PER2: variants seen among roughly 807,000 people sequenced by gnomAD.
The protein encoded by PER2 is period circadian regulator 2, also known as period circadian protein homolog 2.
Under a neutral mutation model 121.0 loss-of-function variants are expected in PER2, and 66 were observed. The observed-to-expected ratio is 0.55, with a 90% CI of 0.45 to 0.67. The LOEUF is 0.67. Ranked by LOEUF, PER2 falls within the 30% of genes least tolerant of loss-of-function variation. The pLI is 0.00. For missense variants in PER2, 1,521 were observed against 1,635.0 expected (o/e 0.93, Z 1.20); for synonymous variants, 684 against 659.9 (o/e 1.04, Z -0.56).
upstream of PER2, among the ~76,000 whole-genome samples, chr2:238,292,676 A>G (rs1190543627): frequency 2.7e-5 from 4 of 149,858 alleles, no homozygotes; most frequent in East Asian, 3.9e-4. Flanking sequence ...TTTCTTTTTT[A>G]TAGATGTCCA....
chr2:238,292,210 G>A (rs1215460954), upstream of PER2, among the ~76,000 whole-genome samples: 1 of 152,204 alleles, frequency 6.6e-6, no homozygotes, highest in East Asian at 1.9e-4. Flanking sequence ...TACCTACTGA[G>A]AAGGCTTTTT....
Position 238,245,685 on chromosome 2 carries a change from G to A in PER2, c.*690C>T, listed in dbSNP as rs1469777927. The A allele has an allele frequency of 3.5e-5, 14 of 398,492 alleles. No individual in the cohort carries two copies. Among genetic ancestry groups the A allele is most frequent in the Non-Finnish European group, 5.8e-5 (13 of 226,074 alleles). The allele number at this position is 398,492 out of a possible 1,614,324, so 24.7% of individuals were successfully genotyped here. On this transcript the variant is annotated 3_prime_UTR_variant, in exon 23 of 23. Transcript: ENST00000254657. ...GGTCTGTCTGCGTGTGCATTCATCC[G>A]ATGGAGTTGGCCACACAAACCACTA...
At chr2:238,271,874 A>G (rs1046046347) in intron 5 of PER2, among the ~76,000 whole-genome samples, 4 of 151,908 alleles carry the variant, frequency 2.6e-5, no homozygotes, top group Admixed American at 6.6e-5. Context: ...GATGACCCCA[A>G]TCCGGGCCGG....
intron 1 of PER2, among the ~76,000 whole-genome samples, chr2:238,279,349 G>C (rs79065998): frequency 6.6e-6 from 1 of 152,114 alleles, no homozygotes; most frequent in Non-Finnish European, 1.5e-5. Context: ...TCTGGATCAC[G>C]GTCTACATGG....
At chr2:238,295,528 G>C in the PER2 span, 1 of 152,204 alleles carries the variant, frequency 6.6e-6, no homozygotes. Context: ...ACAGGCAAAG[G>C]GGTCTGATTG....
upstream of PER2, among the ~76,000 whole-genome samples, chr2:238,293,999 A>G (rs912760709): frequency 5.9e-5 from 9 of 152,166 alleles, no homozygotes; most frequent in African/African-American, 2.2e-4. Flanking sequence ...AAGGAGCCCA[A>G]GGAGAGGTAA....
At position 238,253,295 on chromosome 2, in the gene PER2, T is replaced by G; in HGVS notation, c.2728A>C (p.Ser910Arg). Reference sequence around the variant, plus strand: ...GGGGTCCCCGAGGGGAAGGAATAACTGGGTAGCATGAATGCCATGACAGGC... The same window carrying G: ...GGGGTCCCCGAGGGGAAGGAATAACGGGGTAGCATGAATGCCATGACAGGC... ...LAPVMAFMLP[S>R]YSFPSGTPNL... Residue 910 changes from serine (S) to arginine (R), a missense_variant, in exon 19 of 23, where the codon AGT becomes CGT. Coordinates refer to ENST00000254657, the MANE Select transcript of PER2 (RefSeq NM_022817.3). The surrounding 1 kb of genome is among the most constrained non-coding windows in gnomAD (Gnocchi z 5.6). 1.9e-6 allele frequency: 3 copies of G among 1,612,642 alleles called. No homozygotes were observed. Among genetic ancestry groups the G allele is most frequent in the Non-Finnish European group, 1.7e-6 (2 of 1,179,380 alleles).
chr2:238,277,034 T>C, intron 3 of PER2, 97 bp downstream of exon 3: 1 of 945,674 alleles, frequency 1.1e-6, no homozygotes, highest in Non-Finnish European at 1.8e-6. Flanking sequence ...TTAGCACAGC[T>C]TAAAAAAAGC....
At chr2:238,251,175 A>G (rs1695586875) in intron 20 of PER2, among the ~76,000 whole-genome samples, 1 of 152,192 alleles carries the variant, frequency 6.6e-6, no homozygotes, top group South Asian at 2.1e-4. Context: ...GAAGTAGGGG[A>G]GCTTCAATTT....
At chr2:238,265,870 C>G (rs1460993746) in intron 8 of PER2, among the ~76,000 whole-genome samples, 1 of 151,462 alleles carries the variant, frequency 6.6e-6, no homozygotes, top group Non-Finnish European at 1.5e-5. Flanking sequence ...AAAGACTACT[C>G]TTAGCAAAAT....
intron 16 of PER2, among the ~76,000 whole-genome samples, chr2:238,257,624 C>A (rs181633478): frequency 1.3e-5 from 2 of 152,222 alleles, no homozygotes; most frequent in South Asian, 2.1e-4. Context: ...CAGGCATGCA[C>A]CATGATGCCT....
Position 238,246,274 on chromosome 2 carries a change from A to AT in PER2, c.*100dup. The stretch of plus-strand genomic sequence containing the variant: ...CTAAAACAAAAAAAGCAACATGAGC[A>AT]TATGTGTCCATTTCAGTGGAAACAG... On this transcript the variant is annotated 3_prime_UTR_variant, in exon 23 of 23. Coordinates refer to ENST00000254657, the MANE Select transcript of PER2 (RefSeq NM_022817.3). 1.2e-6 allele frequency: 1 copy of AT among 819,270 alleles called. No homozygotes were observed. The highest frequency in any genetic ancestry group is 1.9e-6 in the Non-Finnish European group (1 of 537,560). 50.8% of individuals were successfully genotyped at this position (819,270 alleles called of 1,614,324 possible). A position where few individuals can be genotyped will look rare whatever the true frequency, so the allele number is the denominator to read the frequency against.
chr2:238,252,844 G>T lies in PER2; in HGVS notation c.3111+68C>A. The stretch of plus-strand genomic sequence containing the variant: ...TAACCCCCATGTCTGAACTGAGGAT[G>T]TGCGGCCGGCCTGCCAGGTGTGCTG... On this transcript the variant is annotated intron_variant, in intron 19 of 22. Transcript: ENST00000254657. The surrounding 1 kb of genome is among the most constrained non-coding windows in gnomAD (Gnocchi z 4.2). 3 of 1,349,274 alleles carry T rather than the reference G, an allele frequency of 2.2e-6. No individual in the cohort carries two copies. Among genetic ancestry groups the T allele is most frequent in the South Asian group, 1.2e-5 (1 of 85,844 alleles). 83.6% of individuals were successfully genotyped at this position (1,349,274 alleles called of 1,614,324 possible).
At position 238,268,311 on chromosome 2, in the gene PER2, C is replaced by T; in HGVS notation, c.825-113G>A. ...ATGCTGCAGGTGATGTGTACCTCTG[C>T]TCTGCCTGAGGAGCTGGGCCTGCCC... is the stretch of plus-strand genomic sequence containing the variant. On this transcript the variant is annotated intron_variant, in intron 7 of 22. Transcript: ENST00000254657. This position sits in a 1 kb window ranked among gnomAD's most constrained non-coding sequence, Gnocchi z 4.0. 2.7e-6 allele frequency: 3 copies of T among 1,123,222 alleles called. No homozygotes were observed. The highest frequency in any genetic ancestry group is 1.5e-5 in the African/African-American group (1 of 65,450). 69.6% of individuals were successfully genotyped at this position (1,123,222 alleles called of 1,614,324 possible).
At chr2:238,288,775 C>T (rs778990944), upstream of PER2, among the ~76,000 whole-genome samples, 77 of 151,868 alleles carry the variant, frequency 5.1e-4, no homozygotes, top group Non-Finnish European at 1.0e-3. Flanking sequence ...TCCGCCGCGG[C>T]CGAGTCGCCG....
intron 12 of PER2, chr2:238,261,339 T>C (rs1262761937): frequency 7.8e-6 from 3 of 385,688 alleles, no homozygotes; most frequent in Non-Finnish European, 1.4e-5. Context: ...TTGACTGCAG[T>C]GGGCCTGATT....
chr2:238,283,999 T>C (rs1292976251), intron 1 of PER2, among the ~76,000 whole-genome samples: 1 of 152,102 alleles, frequency 6.6e-6, no homozygotes, highest in African/African-American at 2.4e-5. Context: ...CTCGGACAAG[T>C]TCCTTAACCT....
chr2:238,291,868 G>A (rs943800040), upstream of PER2, among the ~76,000 whole-genome samples: 3 of 152,236 alleles, frequency 2.0e-5, no homozygotes, highest in African/African-American at 7.2e-5. Flanking sequence ...GCCTGTCCCT[G>A]GACATGAGGT....
At chr2:238,258,987 T>C (rs746928825) in intron 14 of PER2, among the ~76,000 whole-genome samples, 1 of 152,196 alleles carries the variant, frequency 6.6e-6, no homozygotes, top group Non-Finnish European at 1.5e-5. Context: ...ACGTACTTTA[T>C]GCTCCTCCTG....
Sources: allele counts gnomAD v4.1 joint callset (sites outside exome capture counted in the v4.1 genomes callset), GRCh38; gene constraint gnomAD v4.1.1; non-coding constraint Gnocchi (gnomAD v3.1); transcripts MANE v1.5; gene names NCBI Gene and HGNC (gene_info 2026-07-23, HGNC 2026-07-21).